Variants in LLPH observed in about 807,000 individuals in gnomAD.
LLPH encodes the protein protein LLP homolog.
A neutral mutation model predicts 13.3 loss-of-function variants in LLPH; 5 were observed. The observed-to-expected ratio is 0.38, with a 90% CI of 0.20 to 0.79. LLPH has a LOEUF of 0.79. Among genes scored for constraint, LLPH ranks in the 30% least tolerant of loss-of-function variants. LLPH has a pLI of 0.45. For synonymous variants in LLPH, 32 were observed against 44.2 expected (o/e 0.72, Z 1.09); for missense variants, 129 against 152.1 (o/e 0.85, Z 0.80).
At chr12:66,130,026 CTATTT>C (rs1444618602) in intron 1 of LLPH, among the ~76,000 whole-genome samples, 2 of 152,244 alleles carry the variant, frequency 1.3e-5, no homozygotes, top group Admixed American at 1.3e-4. Context: ...TCCTTCAACT[CTATTT>C]CATTTCATTC....
chr12:66,128,273 T>A (rs1565777820), intron 2 of LLPH, among the ~76,000 whole-genome samples: 1 of 152,200 alleles, frequency 6.6e-6, no homozygotes, highest in Non-Finnish European at 1.5e-5. Context: ...TTTTAAAGTC[T>A]GGGTATTGCA....
intron 2 of LLPH, among the ~76,000 whole-genome samples, chr12:66,124,815 G>A (rs1198735534): frequency 6.6e-6 from 1 of 152,158 alleles, no homozygotes; most frequent in Admixed American, 6.5e-5. Context: ...CTAGTTTATG[G>A]GGATATAGTG....
In LLPH at chr12:66,116,891, T is replaced by C. The variant is rs2051431500; in HGVS notation, c.*6949A>G. ...ATTCATTGTTTAAAGCAGATGTTTA[T>C]AACATTTTTCCATACTTTAAAGTGG... On this transcript the variant is annotated 3_prime_UTR_variant, in exon 3 of 3. Coordinates refer to ENST00000266604, the MANE Select transcript of LLPH (RefSeq NM_032338.4). The C allele has an allele frequency of 6.6e-6, 1 of 152,248 alleles. No individual in the cohort carries two copies. Among genetic ancestry groups the C allele is most frequent in the Admixed American group, 6.5e-5 (1 of 15,292 alleles). The allele number at this position is 152,248 out of a possible 1,614,324, so 9.4% of individuals were successfully genotyped here.
rs183449152 is a variant in LLPH at position 66,116,994 on chromosome 12, C to T, written c.*6846G>A. On this transcript the variant is annotated 3_prime_UTR_variant, in exon 3 of 3. Coordinates refer to ENST00000266604, the MANE Select transcript of LLPH (RefSeq NM_032338.4). Reference sequence around the variant, plus strand: ...ATATTTTATTTCCACCAAAAAGATACTTAAGTCTACAGTTATGTAGTACCA... The same window carrying T: ...ATATTTTATTTCCACCAAAAAGATATTTAAGTCTACAGTTATGTAGTACCA... 3 of 152,268 alleles carry T rather than the reference C, an allele frequency of 2.0e-5. No individual in the cohort carries two copies. Among genetic ancestry groups the T allele is most frequent in the Admixed American group, 2.0e-4 (3 of 15,298 alleles). The allele number at this position is 152,268 out of a possible 1,614,324, so 9.4% of individuals were successfully genotyped here.
rs1190211965 is a variant in LLPH at position 66,119,782 on chromosome 12, TCAC to T, written c.*4055_*4057del. The T allele has an allele frequency of 6.6e-6, 1 of 152,224 alleles. No individual in the cohort carries two copies. The highest frequency in any genetic ancestry group is 1.5e-5 in the Non-Finnish European group (1 of 68,044). 9.4% of individuals were successfully genotyped at this position (152,224 alleles called of 1,614,324 possible). On this transcript the variant is annotated 3_prime_UTR_variant, in exon 3 of 3. Coordinates refer to ENST00000266604, the MANE Select transcript of LLPH (RefSeq NM_032338.4). ...TCCCTAAATTACACATTGCTGCCCCTCACCATCACCACCAGTCCATTTCAGATA... is the reference window on the plus strand; with the variant it reads ...TCCCTAAATTACACATTGCTGCCCCTCATCACCACCAGTCCATTTCAGATA...
At chr12:66,129,134 C>T in intron 1 of LLPH, 21 bp from the exon 2 acceptor site, 1 of 1,451,390 alleles carries the variant, frequency 6.9e-7, no homozygotes, top group Non-Finnish European at 9.6e-7. Flanking sequence ...CAAAAACACA[C>T]ATTCAAAAGC....
chr12:66,127,646 A>C (rs1468376587), intron 2 of LLPH, among the ~76,000 whole-genome samples: 1 of 152,174 alleles, frequency 6.6e-6, no homozygotes, highest in Non-Finnish European at 1.5e-5. Context: ...TAAAATGGTT[A>C]ATTTTATGTT....
At position 66,121,048 on chromosome 12, in the gene LLPH, T is replaced by C. The variant is rs1303910401; in HGVS notation, c.*2792A>G. ...GGTAATGGTGCTTTGATTTTTGATT[T>C]TGTTAACTTTCAAGTTAAATCCTGA... On this transcript the variant is annotated 3_prime_UTR_variant, in exon 3 of 3. Coordinates refer to ENST00000266604, the MANE Select transcript of LLPH (RefSeq NM_032338.4). The C allele has an allele frequency of 6.6e-6, 1 of 152,200 alleles. No individual in the cohort carries two copies. Among genetic ancestry groups the C allele is most frequent in the African/African-American group, 2.4e-5 (1 of 41,440 alleles). 9.4% of individuals were successfully genotyped at this position (152,200 alleles called of 1,614,324 possible).
chr12:66,129,060 T>A lies in LLPH; in HGVS notation c.47A>T (p.Glu16Val), dbSNP rs764231196. 44 of 1,612,874 alleles carry A rather than the reference T, an allele frequency of 2.7e-5. 1 individual carries two copies. The South Asian group carries it at 4.7e-4, about 17-fold the overall frequency. The change falls in exon 2 of 3, where the codon GAA becomes GTA. Residue 16 changes from glutamate (E) to valine (V), a missense_variant. By Grantham distance (121) the Glu-to-Val change is moderately radical. Transcript: ENST00000266604. ...CTTTGGGGCATTCTTTTTTCTCTTT[T>A]CAGCACGCATCTTTCTTTTCCACTT... ...RSKWKRKMRA[E>V]KRKKNAPKEA...
At chr12:66,127,356 T>C (rs549612071) in intron 2 of LLPH, among the ~76,000 whole-genome samples, 337 of 152,326 alleles carry the variant, frequency 2.2e-3, no homozygotes, top group Middle Eastern at 6.8e-3. Flanking sequence ...TACTGATATA[T>C]GCTACAATGT....
In LLPH at chr12:66,118,381, AT is replaced by A. The variant is rs1355138674; in HGVS notation, c.*5458del. Reference sequence around the variant, plus strand: ...TCCGTCTCAAAAAAAAAAAAAAAAAATATACAGCAGTATACAGTCATGTCTG... The same window carrying A: ...TCCGTCTCAAAAAAAAAAAAAAAAAAATACAGCAGTATACAGTCATGTCTG... On this transcript the variant is annotated 3_prime_UTR_variant, in exon 3 of 3. Coordinates refer to ENST00000266604, the MANE Select transcript of LLPH (RefSeq NM_032338.4). The A allele has an allele frequency of 3.3e-5, 5 of 149,454 alleles. No individual in the cohort carries two copies. Among genetic ancestry groups the A allele is most frequent in the Admixed American group, 6.7e-5 (1 of 14,956 alleles). 9.3% of individuals were successfully genotyped at this position (149,454 alleles called of 1,614,324 possible).
Position 66,120,726 on chromosome 12 carries a change from C to T in LLPH, c.*3114G>A, listed in dbSNP as rs983541929. 2 of 152,058 alleles carry T rather than the reference C, an allele frequency of 1.3e-5. No homozygotes were observed. The highest frequency in any genetic ancestry group is 4.8e-5 in the African/African-American group (2 of 41,390). The allele number at this position is 152,058 out of a possible 1,614,324, so 9.4% of individuals were successfully genotyped here. A position where few individuals can be genotyped will look rare whatever the true frequency, so the allele number is the denominator to read the frequency against. On this transcript the variant is annotated 3_prime_UTR_variant, in exon 3 of 3. Coordinates refer to ENST00000266604, the MANE Select transcript of LLPH (RefSeq NM_032338.4). Reference sequence around the variant, plus strand: ...TGGAAAATGTCAGTCAAAAAGATGACAAATTTCAAAAAAATAAGCTAATTA... The same window carrying T: ...TGGAAAATGTCAGTCAAAAAGATGATAAATTTCAAAAAAATAAGCTAATTA...
Position 66,122,857 on chromosome 12 carries a change from A to G in LLPH, c.*983T>C, listed in dbSNP as rs2051472219. The stretch of plus-strand genomic sequence containing the variant: ...TCCGGGGAATGCTGCATGATACTAT[A>G]TTAGGCCACACAATATTAACACTAA... On this transcript the variant is annotated 3_prime_UTR_variant, in exon 3 of 3. Coordinates refer to ENST00000266604, the MANE Select transcript of LLPH (RefSeq NM_032338.4). 1 of 152,200 alleles carries G rather than the reference A, an allele frequency of 6.6e-6. No homozygotes were observed. Among genetic ancestry groups the G allele is most frequent in the Non-Finnish European group, 1.5e-5 (1 of 68,022 alleles). 9.4% of individuals were successfully genotyped at this position (152,200 alleles called of 1,614,324 possible).
chr12:66,124,740 A>C (rs2051485736), intron 2 of LLPH, among the ~76,000 whole-genome samples: 1 of 152,204 alleles, frequency 6.6e-6, no homozygotes, highest in African/African-American at 2.4e-5. Flanking sequence ...CAGTATCTAG[A>C]ATAGTGTCTG....
intron 2 of LLPH, among the ~76,000 whole-genome samples, chr12:66,125,987 A>C (rs191051947): frequency 2.1e-3 from 325 of 152,276 alleles, no homozygotes; most frequent in African/African-American, 7.7e-3. Flanking sequence ...AGAGTTGATG[A>C]CTCAAGGGGC....
intron 2 of LLPH, 107 bp from the exon 3 acceptor site, chr12:66,124,125 C>A (rs1486391994): frequency 7.3e-6 from 5 of 682,742 alleles, no homozygotes; most frequent in African/African-American, 3.6e-5. Flanking sequence ...TGAAGGTAGA[C>A]CGAAAATAGA....
intron 2 of LLPH, among the ~76,000 whole-genome samples, chr12:66,127,345 G>C (rs1386344704): frequency 6.6e-6 from 1 of 152,208 alleles, no homozygotes; most frequent in East Asian, 1.9e-4. Flanking sequence ...AAGAAAGGAA[G>C]TACTGATATA....
At chr12:66,128,830 A>G in intron 2 of LLPH, 66 bp downstream of exon 2, 1 of 1,111,012 alleles carries the variant, frequency 9.0e-7, no homozygotes, top group African/African-American at 1.6e-5. Flanking sequence ...TAGGTGACAG[A>G]GGAAGGAGAC....
At chr12:66,128,848 CAAAAAAAA>C (rs71096072) in intron 2 of LLPH, 40 bp downstream of exon 2, 7 of 996,546 alleles carry the variant, frequency 7.0e-6, no homozygotes, top group East Asian at 2.8e-5. Flanking sequence ...GACCCTGCCT[CAAAAAAAA>C]AAAAAAAAAA....
Sources: gnomAD v4.1 joint callset for allele counts (sites outside exome capture counted in the v4.1 genomes callset) on GRCh38, gnomAD v4.1.1 for gene constraint, MANE v1.5 for transcripts, NCBI Gene and HGNC (gene_info 2026-07-23, HGNC 2026-07-21) for gene names.